Variants in OR3A2 observed in about 807,000 individuals in gnomAD.
OR3A2 encodes the protein olfactory receptor 3A2.
For missense variants in OR3A2, 318 were observed against 392.8 expected, an observed-to-expected ratio of 0.81 and a Z score of 1.61; for synonymous variants, 126 against 159.3, an observed-to-expected ratio of 0.79 and a Z score of 1.57.
chr17:3,321,598 G>C (rs1039562446), intron 3 of OR3A2, among the ~76,000 whole-genome samples: 2 of 152,296 alleles, frequency 1.3e-5, no homozygotes, highest in Admixed American at 6.5e-5. Context: ...AAGCGTTGTT[G>C]AATTTTGTCA....
At chr17:3,363,665 C>G (rs1237102774) in intron 2 of OR3A2, among the ~76,000 whole-genome samples, 1 of 148,100 alleles carries the variant, frequency 6.8e-6, no homozygotes, top group Non-Finnish European at 1.5e-5. Context: ...GCAATGCCCA[C>G]TTCCCTGGTA....
intron 2 of OR3A2, among the ~76,000 whole-genome samples, chr17:3,373,301 C>T (rs535414769): frequency 4.6e-5 from 7 of 152,236 alleles, no homozygotes; most frequent in Admixed American, 2.0e-4. Flanking sequence ...TGTAAATATC[C>T]GTTAAGTCCA....
intron 3 of OR3A2, among the ~76,000 whole-genome samples, chr17:3,330,017 C>T (rs993944271): frequency 2.0e-5 from 3 of 146,924 alleles, no homozygotes; most frequent in Non-Finnish European, 4.4e-5. Context: ...TGTAGTTGAG[C>T]GGTTTTGAGT....
chr17:3,294,711 A>G (rs2048905816), intron 3 of OR3A2, among the ~76,000 whole-genome samples: 1 of 152,184 alleles, frequency 6.6e-6, no homozygotes, highest in Non-Finnish European at 1.5e-5. Flanking sequence ...AATCCTGTCA[A>G]TTCTAAAGGA....
intron 2 of OR3A2, among the ~76,000 whole-genome samples, chr17:3,347,398 C>T (rs1055949200): frequency 1.3e-5 from 2 of 152,152 alleles, no homozygotes; most frequent in Non-Finnish European, 2.9e-5. Flanking sequence ...TCCCCTCTCC[C>T]CCGGCCCCAC....
At chr17:3,324,788 T>G (rs2049156672) in intron 3 of OR3A2, among the ~76,000 whole-genome samples, 1 of 152,080 alleles carries the variant, frequency 6.6e-6, no homozygotes, top group Non-Finnish European at 1.5e-5. Flanking sequence ...GCCTCCCAGT[T>G]AGGCTACTTG....
chr17:3,376,710 C>G (rs1320563464), intron 2 of OR3A2, among the ~76,000 whole-genome samples: 1 of 152,132 alleles, frequency 6.6e-6, no homozygotes, highest in East Asian at 1.9e-4. Context: ...AGCCTCCCCA[C>G]TGAGAAAGCA....
At chr17:3,285,726 T>C, upstream of OR3A2, among the ~76,000 whole-genome samples, 1 of 152,104 alleles carries the variant, frequency 6.6e-6, no homozygotes, top group East Asian at 1.9e-4. Flanking sequence ...AGGTGGAGGC[T>C]GCAGTGAGCC....
intron 2 of OR3A2, among the ~76,000 whole-genome samples, chr17:3,375,070 T>C (rs1011255899): frequency 1.3e-5 from 2 of 150,840 alleles, no homozygotes. Flanking sequence ...CATCTTTCTC[T>C]GGTACTTCAT....
intron 3 of OR3A2, among the ~76,000 whole-genome samples, chr17:3,301,065 C>T (rs1287321506): frequency 2.6e-5 from 4 of 152,140 alleles, no homozygotes; most frequent in African/African-American, 9.7e-5. Context: ...TGTATATGTG[C>T]CACATTTTCT....
chr17:3,365,561 A>G (rs1375683167), intron 2 of OR3A2, among the ~76,000 whole-genome samples: 1 of 152,176 alleles, frequency 6.6e-6, no homozygotes, highest in Non-Finnish European at 1.5e-5. Flanking sequence ...TCTCTCAATC[A>G]TGCCATGTGC....
exon 2 of OR3A2, chr17:3,277,799 G>T: frequency 1.4e-6 from 1 of 708,040 alleles, no homozygotes; most frequent in Non-Finnish European, 2.3e-6. Flanking sequence ...ATAAGTATTT[G>T]TTGAATGAAT....
intron 3 of OR3A2, among the ~76,000 whole-genome samples, chr17:3,323,679 A>G (rs761318279): frequency 6.6e-6 from 1 of 152,006 alleles, no homozygotes; most frequent in Non-Finnish European, 1.5e-5. Flanking sequence ...AATGTTGAAT[A>G]TTTGCCCCCA....
intron 2 of OR3A2, among the ~76,000 whole-genome samples, chr17:3,352,219 T>G (rs2049425432): frequency 6.6e-6 from 1 of 151,934 alleles, no homozygotes. Flanking sequence ...TTCACTTTGT[T>G]GATTGCTTCC....
At chr17:3,320,780 A>G (rs2049114909) in intron 3 of OR3A2, among the ~76,000 whole-genome samples, 1 of 152,042 alleles carries the variant, frequency 6.6e-6, no homozygotes, top group Non-Finnish European at 1.5e-5. Flanking sequence ...TGGTTACTGT[A>G]GCCTTGCAGT....
intron 2 of OR3A2, among the ~76,000 whole-genome samples, chr17:3,355,327 G>A (rs1323895738): frequency 2.0e-5 from 3 of 151,382 alleles, no homozygotes; most frequent in African/African-American, 7.3e-5. Flanking sequence ...GTTCCATGGT[G>A]AAGATTAAGT....
At chr17:3,358,546 T>C (rs891745753) in intron 2 of OR3A2, among the ~76,000 whole-genome samples, 4 of 151,756 alleles carry the variant, frequency 2.6e-5, no homozygotes, top group African/African-American at 9.8e-5. Context: ...TCAAAAGTCA[T>C]TCAGGAGCAT....
chr17:3,318,235 CCTGA>C (rs1194721068), intron 3 of OR3A2, among the ~76,000 whole-genome samples: 4 of 152,142 alleles, frequency 2.6e-5, no homozygotes, highest in African/African-American at 9.7e-5. Context: ...CTGGGAATTT[CCTGA>C]CTGTCTTCTG....
At chr17:3,295,543 C>A (rs1396509595) in intron 3 of OR3A2, among the ~76,000 whole-genome samples, 2 of 151,948 alleles carry the variant, frequency 1.3e-5, no homozygotes, top group African/African-American at 2.4e-5. Context: ...TATTTCAAAA[C>A]AATAAAAGCA....
Sources: gnomAD v4.1 joint callset for allele counts (sites outside exome capture counted in the v4.1 genomes callset) on GRCh38, gnomAD v4.1.1 for gene constraint, MANE v1.5 for transcripts, NCBI Gene and HGNC (gene_info 2026-07-23, HGNC 2026-07-21) for gene names.